The following NCALD variants were observed in gnomAD, a reference collection of about 807,000 sequenced individuals.
NCALD encodes neurocalcin delta.
A neutral mutation model predicts 18.6 loss-of-function variants in NCALD; 10 were observed. The ratio of observed to expected loss-of-function variants is 0.54; its 90% CI spans 0.33 to 0.91. The LOEUF is 0.91. Ranked by LOEUF, NCALD falls within the 40% of genes least tolerant of loss-of-function variation. The pLI is 0.03. For synonymous variants in NCALD, 88 were observed against 87.4 expected (o/e 1.01, Z -0.04); for missense variants, 184 against 247.6 (o/e 0.74, Z 1.72).
At chr8:101,904,200 C>G (rs772381607) in intron 3 of NCALD, among the ~76,000 whole-genome samples, 1 of 152,152 alleles carries the variant, frequency 6.6e-6, no homozygotes, top group African/African-American at 2.4e-5. Flanking sequence ...AAATAAATTG[C>G]TCCCAGTTGG....
chr8:101,743,062 T>C (rs1192296471), intron 1 of NCALD, among the ~76,000 whole-genome samples: 1 of 152,118 alleles, frequency 6.6e-6, no homozygotes, highest in African/African-American at 2.4e-5. Flanking sequence ...TATTAAAGAG[T>C]GTATTTTAAA....
intron 4 of NCALD, among the ~76,000 whole-genome samples, chr8:101,874,858 C>A (rs1816165750): frequency 6.6e-6 from 1 of 152,000 alleles, no homozygotes; most frequent in East Asian, 1.9e-4. Context: ...CTCTCCTCTT[C>A]CTAAGTAGAA....
chr8:101,872,367 G>A (rs568034130), intron 4 of NCALD: 97 of 1,528,342 alleles, frequency 6.3e-5, no homozygotes, highest in Non-Finnish European at 7.5e-5. Context: ...CATTAAACTC[G>A]TCTTCATGAT....
chr8:101,859,392 A>G (rs76236104), intron 4 of NCALD, among the ~76,000 whole-genome samples: 4,495 of 152,132 alleles, frequency 0.03, 223 homozygotes, highest in African/African-American at 0.1. Flanking sequence ...CTATTGTGGG[A>G]CTTCACTTTG....
At chr8:101,915,339 C>T (rs16868746) in intron 3 of NCALD, among the ~76,000 whole-genome samples, 1,913 of 152,290 alleles carry the variant, frequency 0.013, 41 homozygotes, top group African/African-American at 0.043. Flanking sequence ...TTCACCCACA[C>T]GTTCATTCTC....
intron 1 of NCALD, among the ~76,000 whole-genome samples, chr8:102,119,754 T>C (rs926963432): frequency 1.6e-4 from 24 of 152,186 alleles, no homozygotes; most frequent in Non-Finnish European, 2.4e-4. Flanking sequence ...GTCAATCCCT[T>C]CCCTAATTAT....
At chr8:101,692,532 C>T (rs1289803040) in intron 3 of NCALD, 1 of 985,288 alleles carries the variant, frequency 1.0e-6, no homozygotes, top group Non-Finnish European at 1.2e-6. Context: ...CATTCTTGCC[C>T]CACAAGATCC....
At chr8:102,103,464 A>T (rs1457555889) in intron 1 of NCALD, among the ~76,000 whole-genome samples, 4 of 152,224 alleles carry the variant, frequency 2.6e-5, no homozygotes, top group African/African-American at 9.6e-5. Flanking sequence ...ACTTGCCCAT[A>T]GTGACGCAGC....
intron 3 of NCALD, among the ~76,000 whole-genome samples, chr8:101,891,930 T>A (rs893568599): frequency 2.0e-5 from 3 of 152,096 alleles, no homozygotes; most frequent in African/African-American, 7.2e-5. Context: ...GCAGCGAGGC[T>A]GGGGGAGGGG....
In NCALD at chr8:101,688,743, G is replaced by T; in HGVS notation, c.*566C>A. On this transcript the variant is annotated 3_prime_UTR_variant, in exon 4 of 4. Coordinates refer to ENST00000220931, the MANE Select transcript of NCALD (RefSeq NM_032041.3). Reference sequence around the variant, plus strand: ...CTCCTCTGTTAATTTATCTTGAAATGTTCACAGCTTAGAAACTACAGCCTG... The same window carrying T: ...CTCCTCTGTTAATTTATCTTGAAATTTTCACAGCTTAGAAACTACAGCCTG... The T allele has an allele frequency of 1.9e-6, 1 of 528,846 alleles. No homozygotes were observed. Among genetic ancestry groups the T allele is most frequent in the Non-Finnish European group, 3.6e-6 (1 of 275,068 alleles). 32.8% of individuals were successfully genotyped at this position (528,846 alleles called of 1,614,324 possible).
At chr8:102,004,739 A>T (rs1268077378) in intron 2 of NCALD, among the ~76,000 whole-genome samples, 1 of 152,098 alleles carries the variant, frequency 6.6e-6, no homozygotes, top group Non-Finnish European at 1.5e-5. Context: ...ATCTACAACT[A>T]TCTGATCTTT....
intron 1 of NCALD, among the ~76,000 whole-genome samples, chr8:102,020,916 GCTCC>G (rs1409135721): frequency 1.3e-5 from 2 of 151,986 alleles, no homozygotes; most frequent in African/African-American, 4.8e-5. Context: ...CATACACACT[GCTCC>G]CTTGGCCAGG....
At chr8:101,777,581 T>A (rs968073296) in intron 1 of NCALD, among the ~76,000 whole-genome samples, 4 of 152,132 alleles carry the variant, frequency 2.6e-5, no homozygotes, top group African/African-American at 9.7e-5. Context: ...GGGGGTGCTG[T>A]CTGGGCCATG....
upstream of NCALD, among the ~76,000 whole-genome samples, chr8:101,792,526 T>C (rs1432860996): frequency 2.0e-5 from 3 of 152,344 alleles, no homozygotes; most frequent in African/African-American, 7.2e-5. Context: ...TAATGACAGC[T>C]GGGAATTTAC....
At chr8:102,061,832 T>C (rs1007011771) in intron 1 of NCALD, among the ~76,000 whole-genome samples, 3 of 152,210 alleles carry the variant, frequency 2.0e-5, no homozygotes, top group African/African-American at 7.2e-5. Flanking sequence ...ACGGAGATTA[T>C]TTTTAGTTAT....
chr8:101,719,693 T>C, intron 1 of NCALD, 45 bp from the exon 2 acceptor site: 1 of 1,473,036 alleles, frequency 6.8e-7, no homozygotes, highest in Non-Finnish European at 9.1e-7. Flanking sequence ...GAGCTGCTCT[T>C]TAGGGCTGCA....
intron 1 of NCALD, among the ~76,000 whole-genome samples, chr8:102,041,750 T>C (rs1055649499): frequency 2.7e-5 from 4 of 149,660 alleles, no homozygotes; most frequent in African/African-American, 1.0e-4. Context: ...AATTCTCCAC[T>C]TGGCCTGTCC....
At chr8:101,763,135 CAG>C (rs1465169372) in intron 1 of NCALD, among the ~76,000 whole-genome samples, 1 of 151,960 alleles carries the variant, frequency 6.6e-6, no homozygotes, top group Non-Finnish European at 1.5e-5. Flanking sequence ...CTCAGGCAAA[CAG>C]AAAAATTAAT....
intron 1 of NCALD, among the ~76,000 whole-genome samples, chr8:102,043,215 A>G (rs1316884510): frequency 6.6e-6 from 1 of 152,012 alleles, no homozygotes. Flanking sequence ...TGCAGGGCTC[A>G]TGTGTGTTCT....
Sources: gnomAD v4.1 joint callset for allele counts (sites outside exome capture counted in the v4.1 genomes callset) on GRCh38, gnomAD v4.1.1 for gene constraint, MANE v1.5 for transcripts, NCBI Gene and HGNC (gene_info 2026-07-23, HGNC 2026-07-21) for gene names.